RNF24: variants seen among roughly 807,000 people sequenced by gnomAD.
RNF24 encodes ring finger protein 24.
Under a neutral mutation model 20.0 loss-of-function variants are expected in RNF24, and 14 were observed. The ratio of observed to expected loss-of-function variants is 0.70; its 90% CI spans 0.46 to 1.10. The LOEUF (loss-of-function observed/expected upper bound fraction) is 1.10. Ranked by LOEUF, RNF24 falls within the 50% of genes least tolerant of loss-of-function variation. The pLI is 0.00. For synonymous variants in RNF24, 45 were observed against 61.1 expected, an observed-to-expected ratio of 0.74 and a Z score of 1.23; for missense variants, 124 against 177.6, an observed-to-expected ratio of 0.70 and a Z score of 1.71.
intron 1 of RNF24, among the ~76,000 whole-genome samples, chr20:3,984,310 T>C (rs1979695450): frequency 6.6e-6 from 1 of 152,214 alleles, no homozygotes; most frequent in Non-Finnish European, 1.5e-5. Flanking sequence ...AGTACCTTTA[T>C]GGCCTCTTGT....
At chr20:3,970,924 T>C (rs1256444979) in intron 1 of RNF24, among the ~76,000 whole-genome samples, 2 of 152,062 alleles carry the variant, frequency 1.3e-5, no homozygotes, top group Non-Finnish European at 2.9e-5. Flanking sequence ...TGGGCACCTG[T>C]AATCCCAGCT....
At chr20:3,959,749 A>C (rs2091181240) in intron 2 of RNF24, among the ~76,000 whole-genome samples, 1 of 152,160 alleles carries the variant, frequency 6.6e-6, no homozygotes, top group South Asian at 2.1e-4. Flanking sequence ...TCATGTTTCT[A>C]AATAACTTGC....
intron 2 of RNF24, among the ~76,000 whole-genome samples, chr20:3,950,808 A>G (rs1474286362): frequency 6.6e-6 from 1 of 152,242 alleles, no homozygotes; most frequent in Non-Finnish European, 1.5e-5. Flanking sequence ...TTGATATATT[A>G]GTATTGATAT....
At chr20:3,952,707 ACT>A (rs2091095586) in intron 2 of RNF24, among the ~76,000 whole-genome samples, 1 of 151,092 alleles carries the variant, frequency 6.6e-6, no homozygotes. Flanking sequence ...TTTTGTAGAT[ACT>A]CTTTCAAATT....
chr20:3,970,336 C>A (rs929628002), intron 1 of RNF24, among the ~76,000 whole-genome samples: 2 of 152,132 alleles, frequency 1.3e-5, no homozygotes, highest in Non-Finnish European at 2.9e-5. Flanking sequence ...CCCACCGTTT[C>A]ACTGTCAGAG....
chr20:4,011,728 G>A (rs886140013), intron 1 of RNF24, among the ~76,000 whole-genome samples: 2 of 152,292 alleles, frequency 1.3e-5, no homozygotes, highest in South Asian at 4.1e-4. Flanking sequence ...AGAAAACACA[G>A]TAATAGCACC....
chr20:4,004,360 G>A (rs1049229284), intron 1 of RNF24, among the ~76,000 whole-genome samples: 1 of 152,116 alleles, frequency 6.6e-6, no homozygotes, highest in Non-Finnish European at 1.5e-5. Flanking sequence ...GATTCTGTGT[G>A]AGACAGTAGT....
At chr20:4,004,808 G>C (rs892783126) in intron 1 of RNF24, among the ~76,000 whole-genome samples, 2 of 152,178 alleles carry the variant, frequency 1.3e-5, no homozygotes, top group Non-Finnish European at 2.9e-5. Flanking sequence ...GAAGTTTATA[G>C]TAATTGTGTT....
rs573209169 is a variant in RNF24 at position 3,944,265 on chromosome 20, G to A, written c.228+912C>T. On this transcript the variant is annotated intron_variant, in intron 4 of 5. Coordinates refer to ENST00000358395, the MANE Select transcript of RNF24 (RefSeq NM_001134337.3). ...AATTAATGCTTCAGTTTAATCCAAG[G>A]CTAGGTCTAAAATGCCATTAAACAG... 2.9e-4 allele frequency among the ~76,000 whole-genome samples: 44 copies of A among 150,696 alleles called. No individual in the cohort carries two copies. In the South Asian group the frequency reaches 4.2e-3, roughly 14 times the overall value.
At chr20:3,986,289 G>C (rs925773808) in intron 1 of RNF24, among the ~76,000 whole-genome samples, 3 of 151,046 alleles carry the variant, frequency 2.0e-5, no homozygotes, top group African/African-American at 7.3e-5. Context: ...TCCTCACTCT[G>C]TCGCTTGGAT....
intron 1 of RNF24, among the ~76,000 whole-genome samples, chr20:4,001,614 C>T (rs1981394711): frequency 6.6e-6 from 1 of 151,940 alleles, no homozygotes; most frequent in African/African-American, 2.4e-5. Flanking sequence ...GGAAAGAAAG[C>T]AGAATGTGTA....
intron 1 of RNF24, among the ~76,000 whole-genome samples, chr20:4,014,778 T>C (rs993858396): frequency 3.9e-5 from 4 of 103,456 alleles, no homozygotes; most frequent in Non-Finnish European, 8.5e-5. Flanking sequence ...CACACACACA[T>C]CATTAGGTCT....
chr20:3,944,712 T>C (rs952766949), intron 4 of RNF24, among the ~76,000 whole-genome samples: 1 of 152,216 alleles, frequency 6.6e-6, no homozygotes, highest in African/African-American at 2.4e-5. Context: ...ACCGAAGAGC[T>C]AAACAATCCC....
chr20:3,956,647 T>G (rs920230231), intron 2 of RNF24, among the ~76,000 whole-genome samples: 6 of 152,072 alleles, frequency 3.9e-5, no homozygotes, highest in South Asian at 2.1e-4. Flanking sequence ...TATTTTTTCT[T>G]GGGTTTAACT....
intron 1 of RNF24, among the ~76,000 whole-genome samples, chr20:4,000,833 T>C (rs1981325013): frequency 6.6e-6 from 1 of 152,216 alleles, no homozygotes; most frequent in Non-Finnish European, 1.5e-5. Context: ...TATCCCCATT[T>C]TGAGGCTAAA....
In RNF24 at chr20:3,934,968, TTAAG is replaced by T; in HGVS notation, c.308+22_308+25del. ...TGATGTGCCTCAAACTCGGGTCCCATTAAGTAATTCCATACCAATACTTACTTTC... is the reference window on the plus strand; with the variant it reads ...TGATGTGCCTCAAACTCGGGTCCCATTAATTCCATACCAATACTTACTTTC... On this transcript the variant is annotated intron_variant, in intron 5 of 5. Coordinates refer to ENST00000358395, the MANE Select transcript of RNF24 (RefSeq NM_001134337.3). The surrounding 1 kb of genome is among the most constrained non-coding windows in gnomAD (Gnocchi z 4.0). 1 of 1,597,368 alleles carries T rather than the reference TTAAG, an allele frequency of 6.3e-7. No homozygotes were observed. Among genetic ancestry groups the T allele is most frequent in the East Asian group, 2.2e-5 (1 of 44,792 alleles).
intron 1 of RNF24, among the ~76,000 whole-genome samples, chr20:3,982,993 G>T (rs1026933470): frequency 2.1e-4 from 32 of 152,244 alleles, no homozygotes; most frequent in African/African-American, 7.0e-4. Flanking sequence ...CCTTATAAAA[G>T]GAAGAGTTCA....
chr20:3,935,086 T>C lies in RNF24; in HGVS notation c.229-13A>G, dbSNP rs764141489. 1 of 1,612,964 alleles carries C rather than the reference T, an allele frequency of 6.2e-7. No individual in the cohort carries two copies. The highest frequency in any genetic ancestry group is 8.5e-7 in the Non-Finnish European group (1 of 1,179,214). ...ACACTGCACAGAGCTGAAAGACAAA[T>C]GCACAAATGAAGCCAAGTGTCTGTT... On this transcript the variant is annotated splice_polypyrimidine_tract_variant and intron_variant, in intron 4 of 5. Transcript: ENST00000358395.
chr20:3,944,261 C>T (rs754705601), intron 4 of RNF24, among the ~76,000 whole-genome samples: 8 of 149,138 alleles, frequency 5.4e-5, no homozygotes, highest in Non-Finnish European at 1.2e-4. Flanking sequence ...CAGTTTAATC[C>T]AAGGCTAGGT....
Sources: allele counts gnomAD v4.1 joint callset (sites outside exome capture counted in the v4.1 genomes callset), GRCh38; gene constraint gnomAD v4.1.1; non-coding constraint Gnocchi (gnomAD v3.1); transcripts MANE v1.5; gene names NCBI Gene and HGNC (gene_info 2026-07-23, HGNC 2026-07-21).